The following OPCML variants were observed in gnomAD, a reference collection of about 807,000 sequenced individuals.
OPCML encodes the protein opioid binding protein/cell adhesion molecule like.
OPCML carries 13 observed loss-of-function variants against 37.8 expected under a neutral mutation model. That is an observed-to-expected ratio of 0.34 (90% CI 0.22 to 0.55). The LOEUF is 0.55. Ranked by LOEUF, OPCML falls within the 20% of genes least tolerant of loss-of-function variation. The pLI is 0.91. For missense variants in OPCML, 341 were observed against 435.6 expected (o/e 0.78, Z 1.93); for synonymous variants, 176 against 168.8 (o/e 1.04, Z -0.33).
At chr11:132,689,670 T>C (rs1358507867) in intron 2 of OPCML, among the ~76,000 whole-genome samples, 1 of 152,218 alleles carries the variant, frequency 6.6e-6, no homozygotes, top group Non-Finnish European at 1.5e-5. Context: ...CAGAATTTGA[T>C]AACAGAGTCT....
chr11:132,603,391 T>A (rs1362716312), intron 3 of OPCML, among the ~76,000 whole-genome samples: 1 of 152,192 alleles, frequency 6.6e-6, no homozygotes, highest in African/African-American at 2.4e-5. Context: ...CTTGCTTTCA[T>A]CCTCCACATT....
At chr11:133,340,058 AT>A (rs1220552666) in intron 1 of OPCML, among the ~76,000 whole-genome samples, 2 of 152,144 alleles carry the variant, frequency 1.3e-5, no homozygotes, top group Non-Finnish European at 2.9e-5. Flanking sequence ...TAGAAAAAAA[AT>A]GTTTCCTTTT....
chr11:132,660,450 T>G (rs1941917818), intron 2 of OPCML, among the ~76,000 whole-genome samples: 1 of 152,214 alleles, frequency 6.6e-6, no homozygotes, highest in Non-Finnish European at 1.5e-5. Flanking sequence ...CAAAGGGGTT[T>G]ATAACATGGC....
At chr11:132,686,534 C>T (rs1023242217) in intron 2 of OPCML, among the ~76,000 whole-genome samples, 2 of 152,178 alleles carry the variant, frequency 1.3e-5, no homozygotes, top group Non-Finnish European at 2.9e-5. Context: ...TCCAAAACAT[C>T]GTGCCTCTTA....
chr11:132,875,546 C>T (rs1942977082), intron 2 of OPCML, among the ~76,000 whole-genome samples: 1 of 151,052 alleles, frequency 6.6e-6, no homozygotes, highest in African/African-American at 2.4e-5. Flanking sequence ...CTCACCGCAA[C>T]CTCTACCTCC....
intron 1 of OPCML, among the ~76,000 whole-genome samples, chr11:132,959,339 G>T (rs2136716028): frequency 6.6e-6 from 1 of 152,304 alleles, no homozygotes; most frequent in South Asian, 2.1e-4. Context: ...CAAAGGAAGT[G>T]GTTTCTTGAG....
intron 3 of OPCML, among the ~76,000 whole-genome samples, chr11:132,540,711 G>A (rs2096354313): frequency 6.6e-6 from 1 of 152,166 alleles, no homozygotes; most frequent in African/African-American, 2.4e-5. Context: ...TACATGCCAG[G>A]GGCTGGGTGA....
rs138722344 is a variant in OPCML, at chr11:132,704,082, T to C, written c.147-46763A>G. On this transcript the variant is annotated intron_variant, in intron 2 of 7. Coordinates refer to ENST00000524381, the MANE Select transcript of OPCML (RefSeq NM_001012393.5). ...TGGAAAGGCCTGTGTCCTGTGTCTG[T>C]TGGAGTTTGAAGCCACATGGACTAG... Among the ~76,000 whole-genome samples the C allele has an allele frequency of 6.6e-5, 10 of 152,274 alleles. No homozygotes were observed. In the East Asian group the frequency reaches 1.9e-3, roughly 29 times the overall value.
intron 1 of OPCML, among the ~76,000 whole-genome samples, chr11:133,337,494 G>A (rs1943768631): frequency 6.6e-6 from 1 of 152,200 alleles, no homozygotes; most frequent in Non-Finnish European, 1.5e-5. Flanking sequence ...GGTGGCCTCA[G>A]CTCTTGCCCC....
intron 4 of OPCML, among the ~76,000 whole-genome samples, chr11:132,453,274 C>T (rs2096073191): frequency 6.6e-6 from 1 of 152,192 alleles, no homozygotes; most frequent in Non-Finnish European, 1.5e-5. Flanking sequence ...AGCTGTACTA[C>T]ATTGCACAGG....
At chr11:133,485,267 T>C (rs1195797464) in intron 1 of OPCML, among the ~76,000 whole-genome samples, 1 of 152,204 alleles carries the variant, frequency 6.6e-6, no homozygotes, top group Non-Finnish European at 1.5e-5. Context: ...AGTACAGTTA[T>C]AAGGGAAACC....
intron 1 of OPCML, among the ~76,000 whole-genome samples, chr11:133,164,616 A>G (rs184523749): frequency 6.6e-6 from 1 of 152,366 alleles, no homozygotes; most frequent in East Asian, 1.9e-4. Context: ...TTATGTAGGG[A>G]TGACAGACAT....
chr11:132,502,218 C>A (rs1022572952), intron 4 of OPCML, among the ~76,000 whole-genome samples: 1 of 152,226 alleles, frequency 6.6e-6, no homozygotes, highest in African/African-American at 2.4e-5. Context: ...AAAGACACAG[C>A]ATCACCCTCA....
intron 2 of OPCML, among the ~76,000 whole-genome samples, chr11:132,779,063 G>T (rs953978759): frequency 1.3e-5 from 2 of 151,214 alleles, no homozygotes; most frequent in African/African-American, 4.9e-5. Flanking sequence ...CACCTCGGGG[G>T]TTCAAGTGAT....
At chr11:133,255,078 AT>A (rs1181496585) in intron 1 of OPCML, among the ~76,000 whole-genome samples, 1 of 152,200 alleles carries the variant, frequency 6.6e-6, no homozygotes, top group African/African-American at 2.4e-5. Context: ...ACTAATTAGG[AT>A]AATAAAATAC....
chr11:132,692,130 T>C (rs968607523), intron 2 of OPCML, among the ~76,000 whole-genome samples: 1 of 152,092 alleles, frequency 6.6e-6, no homozygotes, highest in Non-Finnish European at 1.5e-5. Context: ...GCATCATTTA[T>C]CGTAAGCAAT....
In OPCML at chr11:132,944,732, A is replaced by C. The variant is rs139009311; in HGVS notation, c.62-1722T>G. 8.0e-3 allele frequency among the ~76,000 whole-genome samples: 1,212 copies of C among 152,096 alleles called. 10 individuals carry two copies. The highest frequency in any genetic ancestry group is 0.011 in the Non-Finnish European group (723 of 67,972). On this transcript the variant is annotated intron_variant, in intron 1 of 7. Transcript: ENST00000524381. ...AGCCTCCCCCTTTCTTTGGTCTCGGATTTGTCTCTTTCTGCTCTAAACCCC... is the reference window on the plus strand; with the variant it reads ...AGCCTCCCCCTTTCTTTGGTCTCGGCTTTGTCTCTTTCTGCTCTAAACCCC...
intron 2 of OPCML, among the ~76,000 whole-genome samples, chr11:132,823,525 G>T (rs752156282): frequency 6.6e-6 from 1 of 151,386 alleles, no homozygotes; most frequent in Non-Finnish European, 1.5e-5. Context: ...ATCAATATAC[G>T]CTTCTCTGTG....
intron 1 of OPCML, among the ~76,000 whole-genome samples, chr11:133,416,782 CT>C (rs778344674): frequency 1.8e-4 from 28 of 152,124 alleles, no homozygotes; most frequent in Non-Finnish European, 2.9e-4. Context: ...CAGAGAGTGC[CT>C]TTTGTTATTC....
Sources: gnomAD v4.1 joint callset for allele counts (sites outside exome capture counted in the v4.1 genomes callset) on GRCh38, gnomAD v4.1.1 for gene constraint, MANE v1.5 for transcripts, NCBI Gene and HGNC (gene_info 2026-07-23, HGNC 2026-07-21) for gene names.